PPP5C: variants seen among roughly 807,000 people sequenced by gnomAD.
PPP5C encodes the protein serine/threonine-protein phosphatase 5.
Under a neutral mutation model 66.7 loss-of-function variants are expected in PPP5C, and 21 were observed. That is an observed-to-expected ratio of 0.31 (90% CI 0.22 to 0.45). The LOEUF (loss-of-function observed/expected upper bound fraction) is 0.45. Among genes scored for constraint, PPP5C ranks in the 20% least tolerant of loss-of-function variants. The probability of loss-of-function intolerance (pLI) is 1.00; values close to 1 mark genes in which losing one functional copy is unlikely to be tolerated. For missense variants in PPP5C, 464 were observed against 675.9 expected (o/e 0.69, Z 3.48); for synonymous variants, 246 against 257.4 (o/e 0.96, Z 0.43).
Position 46,376,530 on chromosome 19 carries a change from T to C in PPP5C, c.589T>C (p.Trp197Arg). The C allele has an allele frequency of 1.2e-6, 2 of 1,613,828 alleles. No homozygotes were observed. Among genetic ancestry groups the C allele is most frequent in the Non-Finnish European group, 1.7e-6 (2 of 1,179,898 alleles). Reference protein sequence around the residue: ...TISFMKELMQWYKDQKKLHRK... With the variant: ...TISFMKELMQRYKDQKKLHRK... Reference sequence around the variant, plus strand: ...CAGTTTCATGAAGGAGCTCATGCAGTGGTACAAGGACCAGAAGAAACTGCA... The same window carrying C: ...CAGTTTCATGAAGGAGCTCATGCAGCGGTACAAGGACCAGAAGAAACTGCA... Residue 197 changes from tryptophan (W) to arginine (R), a missense_variant, in exon 4 of 13, where the codon TGG becomes CGG. Coordinates refer to ENST00000012443, the MANE Select transcript of PPP5C (RefSeq NM_006247.4). The surrounding 1 kb of genome is among the most constrained non-coding windows in gnomAD (Gnocchi z 5.1).
At chr19:46,347,877 A>G (rs1972111231) in intron 1 of PPP5C, among the ~76,000 whole-genome samples, 1 of 151,734 alleles carries the variant, frequency 6.6e-6, no homozygotes, top group Non-Finnish European at 1.5e-5. Context: ...TTGGGGATAT[A>G]GCAGTGAATG....
intron 2 of PPP5C, among the ~76,000 whole-genome samples, chr19:46,363,317 A>C (rs1972429461): frequency 1.9e-5 from 1 of 52,444 alleles, no homozygotes; most frequent in Non-Finnish European, 5.1e-5. Context: ...CAAAAAAAAA[A>C]AAAAAAAAAA....
At chr19:46,351,406 A>G (rs1264599549) in intron 1 of PPP5C, among the ~76,000 whole-genome samples, 1 of 152,112 alleles carries the variant, frequency 6.6e-6, no homozygotes, top group Non-Finnish European at 1.5e-5. Context: ...TCATTTAGTC[A>G]TTCACGCATT....
intron 4 of PPP5C, among the ~76,000 whole-genome samples, chr19:46,377,584 T>G (rs1365329605): frequency 6.6e-6 from 1 of 152,252 alleles, no homozygotes; most frequent in Non-Finnish European, 1.5e-5. Context: ...GAGTTTTATG[T>G]GCCCACTGCC....
chr19:46,383,007 C>T lies in PPP5C; in HGVS notation c.634-404C>T. The T allele has an allele frequency of 9.2e-7, 1 of 1,084,880 alleles. No homozygotes were observed. The highest frequency in any genetic ancestry group is 1.2e-6 in the Non-Finnish European group (1 of 858,560). The allele number at this position is 1,084,880 out of a possible 1,614,324, so 67.2% of individuals were successfully genotyped here. Reference sequence around the variant, plus strand: ...AAGCACCAGTGTTGCCTATGACCTGCCTTTTTACCTCTTTTTACCTAGAAA... The same window carrying T: ...AAGCACCAGTGTTGCCTATGACCTGTCTTTTTACCTCTTTTTACCTAGAAA... On this transcript the variant is annotated intron_variant, in intron 4 of 12. Coordinates refer to ENST00000012443, the MANE Select transcript of PPP5C (RefSeq NM_006247.4). This position sits in a 1 kb window ranked among gnomAD's most constrained non-coding sequence, Gnocchi z 5.0.
intron 2 of PPP5C, among the ~76,000 whole-genome samples, chr19:46,369,503 G>A: frequency 6.6e-6 from 1 of 151,880 alleles, no homozygotes; most frequent in Non-Finnish European, 1.5e-5. Context: ...GTGGTGGCAG[G>A]TGCCTGTAGT....
chr19:46,353,277 A>T (rs959028065), intron 1 of PPP5C, among the ~76,000 whole-genome samples: 5 of 152,150 alleles, frequency 3.3e-5, no homozygotes, highest in Non-Finnish European at 7.4e-5. Flanking sequence ...CAGATGTCAC[A>T]TCCTGTCACT....
chr19:46,384,720 TG>T, intron 6 of PPP5C, 83 bp from the exon 7 acceptor site: 1 of 1,044,220 alleles, frequency 9.6e-7, no homozygotes, highest in Non-Finnish European at 1.5e-6. Flanking sequence ...GCAGCCCATC[TG>T]GCCCATCTTC....
intron 2 of PPP5C, among the ~76,000 whole-genome samples, chr19:46,354,444 C>G (rs1026884608): frequency 2.0e-5 from 3 of 152,152 alleles, no homozygotes; most frequent in Non-Finnish European, 2.9e-5. Flanking sequence ...GGCAGAAAAC[C>G]CACCACTGAA....
intron 7 of PPP5C, among the ~76,000 whole-genome samples, chr19:46,385,883 G>T (rs1322088920): frequency 6.6e-6 from 1 of 151,620 alleles, no homozygotes; most frequent in African/African-American, 2.4e-5. Context: ...GTGTAAGGCT[G>T]CAGTGAGCCA....
chr19:46,359,696 A>G (rs1972347747), intron 2 of PPP5C, among the ~76,000 whole-genome samples: 1 of 152,196 alleles, frequency 6.6e-6, no homozygotes, highest in Non-Finnish European at 1.5e-5. Flanking sequence ...TTATTTGCAT[A>G]AAGTACAGCA....
chr19:46,388,515 A>C lies in PPP5C; in HGVS notation c.1177-38A>C. 6.2e-7 allele frequency: 1 copy of C among 1,610,222 alleles called. No individual in the cohort carries two copies. The highest frequency in any genetic ancestry group is 8.5e-7 in the Non-Finnish European group (1 of 1,177,132). On this transcript the variant is annotated intron_variant, in intron 10 of 12. Coordinates refer to ENST00000012443, the MANE Select transcript of PPP5C (RefSeq NM_006247.4). This position sits in a 1 kb window ranked among gnomAD's most constrained non-coding sequence, Gnocchi z 4.9. The stretch of plus-strand genomic sequence containing the variant: ...TGGCAGCAGGTGGAGGCAGACAGTC[A>C]CCCTGAACCCCTGTCTCTCCCTTCT...
chr19:46,356,894 G>T (rs1365470298), intron 2 of PPP5C, among the ~76,000 whole-genome samples: 1 of 152,198 alleles, frequency 6.6e-6, no homozygotes, highest in African/African-American at 2.4e-5. Flanking sequence ...GATGGGGCAG[G>T]CTCTGGGCTC....
At chr19:46,364,301 A>G (rs1396840837) in intron 2 of PPP5C, among the ~76,000 whole-genome samples, 1 of 152,160 alleles carries the variant, frequency 6.6e-6, no homozygotes. Flanking sequence ...AAAACTTTTA[A>G]TCAGGTTTTA....
intron 2 of PPP5C, among the ~76,000 whole-genome samples, chr19:46,356,546 A>ACCTGAATTCAG (rs1387651936): frequency 6.6e-6 from 1 of 152,182 alleles, no homozygotes; most frequent in Non-Finnish European, 1.5e-5. Flanking sequence ...CCCTTTGTGC[A>ACCTGAATTCAG]CCTGAATTCA....
chr19:46,384,864 T>C lies in PPP5C; in HGVS notation c.859T>C (p.Phe287Leu). ...CTCTGTAGAAGTGATCCTCACCCTT[T>C]TCGGCTTCAAGCTCCTGTACCCAGA... is the stretch of plus-strand genomic sequence containing the variant. ...SFSVEVILTLFGFKLLYPDHF... is the reference protein window; with the variant it reads ...SFSVEVILTLLGFKLLYPDHF... Residue 287 changes from phenylalanine to leucine, a missense_variant, in exon 7 of 13, where the codon TTC becomes CTC. By Grantham distance (22) the Phe-to-Leu change is conservative. Transcript: ENST00000012443. 2 of 1,614,200 alleles carry C rather than the reference T, an allele frequency of 1.2e-6. No individual in the cohort carries two copies. The highest frequency in any genetic ancestry group is 1.1e-5 in the South Asian group (1 of 91,078).
chr19:46,350,859 C>T (rs1248469211), intron 1 of PPP5C, among the ~76,000 whole-genome samples: 1 of 152,162 alleles, frequency 6.6e-6, no homozygotes, highest in African/African-American at 2.4e-5. Flanking sequence ...CAGAGCTGTA[C>T]TGGCCCTGTT....
At chr19:46,361,032 C>T (rs1233322227) in intron 2 of PPP5C, among the ~76,000 whole-genome samples, 1 of 152,010 alleles carries the variant, frequency 6.6e-6, no homozygotes, top group African/African-American at 2.4e-5. Context: ...CTCCCTCTCC[C>T]CTTTTTTGTT....
At chr19:46,384,751 AC>A (rs1170041196) in intron 6 of PPP5C, 52 bp from the exon 7 acceptor site, 1 of 1,324,934 alleles carries the variant, frequency 7.5e-7, no homozygotes, top group African/African-American at 1.5e-5. Context: ...CCCCAACCCC[AC>A]CGCACCGCAC....
Sources: allele counts gnomAD v4.1 joint callset (sites outside exome capture counted in the v4.1 genomes callset), GRCh38; gene constraint gnomAD v4.1.1; non-coding constraint Gnocchi (gnomAD v3.1); transcripts MANE v1.5; gene names NCBI Gene and HGNC (gene_info 2026-07-23, HGNC 2026-07-21).